DOCK4: variants seen among roughly 807,000 people sequenced by gnomAD.
The protein encoded by DOCK4 is dedicator of cytokinesis 4, also known as dedicator of cytokinesis protein 4.
Under a neutral mutation model 268.1 loss-of-function variants are expected in DOCK4, and 97 were observed. The observed-to-expected ratio is 0.36, with a 90% CI of 0.31 to 0.43. The LOEUF is 0.43. DOCK4 is among the 20% of genes least tolerant of loss of function. The pLI is 1.00. For synonymous variants in DOCK4, 954 were observed against 887.2 expected (o/e 1.08, Z -1.34); for missense variants, 2,145 against 2,455.7 (o/e 0.87, Z 2.67).
At chr7:112,019,658 T>C (rs900157287) in intron 1 of DOCK4, among the ~76,000 whole-genome samples, 3 of 152,122 alleles carry the variant, frequency 2.0e-5, no homozygotes, top group African/African-American at 7.2e-5. Context: ...GAAACATAAA[T>C]AAATAAATTT....
chr7:111,836,546 T>G (rs1464462977), intron 25 of DOCK4, among the ~76,000 whole-genome samples: 1 of 151,846 alleles, frequency 6.6e-6, no homozygotes, highest in Non-Finnish European at 1.5e-5. Flanking sequence ...AAGTAATATA[T>G]CAATAGAAAC....
At chr7:111,756,379 G>A (rs907121468) in intron 41 of DOCK4, among the ~76,000 whole-genome samples, 2 of 151,982 alleles carry the variant, frequency 1.3e-5, no homozygotes, top group Non-Finnish European at 1.5e-5. Flanking sequence ...AAGACACTAG[G>A]TCTTAAAGCA....
At chr7:112,048,201 C>A (rs1209505236) in intron 1 of DOCK4, among the ~76,000 whole-genome samples, 1 of 151,746 alleles carries the variant, frequency 6.6e-6, no homozygotes, top group African/African-American at 2.4e-5. Context: ...ATGAAGAAAA[C>A]TATACATCAT....
chr7:112,163,319 C>T (rs925064428), intron 1 of DOCK4, among the ~76,000 whole-genome samples: 6 of 152,092 alleles, frequency 3.9e-5, no homozygotes, highest in Non-Finnish European at 7.4e-5. Flanking sequence ...CAGCATGCTC[C>T]ACTCTCATCA....
chr7:112,085,494 G>C (rs1203888678), intron 1 of DOCK4, among the ~76,000 whole-genome samples: 1 of 152,054 alleles, frequency 6.6e-6, no homozygotes, highest in African/African-American at 2.4e-5. Flanking sequence ...ACAAATTTAT[G>C]ATTCCAAAAA....
intron 39 of DOCK4, among the ~76,000 whole-genome samples, chr7:111,761,184 C>T (rs1797383248): frequency 6.6e-6 from 1 of 151,976 alleles, no homozygotes; most frequent in Non-Finnish European, 1.5e-5. Flanking sequence ...TTCAGCCTCC[C>T]AAGTAGCTAG....
chr7:112,041,561 G>A (rs1804361370), intron 1 of DOCK4, among the ~76,000 whole-genome samples: 2 of 151,914 alleles, frequency 1.3e-5, no homozygotes, highest in South Asian at 4.2e-4. Context: ...AATAAACCTG[G>A]GCATAAAATC....
intron 26 of DOCK4, 135 bp downstream of exon 26, chr7:111,834,453 G>A: frequency 7.5e-6 from 5 of 665,140 alleles, no homozygotes; most frequent in Non-Finnish European, 1.2e-5. Context: ...ATCTGTGGAT[G>A]AGGCTGAGAA....
At chr7:111,917,705 T>TAAA (rs555037371) in intron 12 of DOCK4, among the ~76,000 whole-genome samples, 2 of 106,686 alleles carry the variant, frequency 1.9e-5, no homozygotes, top group Non-Finnish European at 2.1e-5. Context: ...GACCCCATAA[T>TAAA]AAAAAAAAAA....
At position 111,755,441 on chromosome 7, in the gene DOCK4, T is replaced by G. The variant is rs536907403; in HGVS notation, c.4416+74A>C. ...CAGAGAATCTGGGTCGAAGGAGAAG[T>G]AATGAATATACGGCACAACTCCAAG... On this transcript the variant is annotated intron_variant, in intron 42 of 52. Coordinates refer to ENST00000428084, the MANE Select transcript of DOCK4 (RefSeq NM_001363540.2). 2.0e-5 allele frequency: 29 copies of G among 1,415,538 alleles called. No homozygotes were observed. The South Asian group carries it at 2.6e-4, about 13-fold the overall frequency. The allele number at this position is 1,415,538 out of a possible 1,614,324, so 87.7% of individuals were successfully genotyped here. A position where few individuals can be genotyped will look rare whatever the true frequency, so the allele number is the denominator to read the frequency against.
chr7:111,924,912 A>G (rs1793472501), intron 12 of DOCK4, among the ~76,000 whole-genome samples: 1 of 152,214 alleles, frequency 6.6e-6, no homozygotes, highest in Admixed American at 6.5e-5. Flanking sequence ...CAGTACTTGC[A>G]TACTTTGTAT....
intron 1 of DOCK4, among the ~76,000 whole-genome samples, chr7:112,056,202 A>C (rs1805801801): frequency 6.6e-6 from 1 of 152,128 alleles, no homozygotes. Context: ...TTACATAATT[A>C]GCCCCTCTGT....
At chr7:111,827,264 A>G (rs976275343) in intron 26 of DOCK4, among the ~76,000 whole-genome samples, 4 of 152,352 alleles carry the variant, frequency 2.6e-5, no homozygotes, top group Non-Finnish European at 5.9e-5. Context: ...ATGATCGTCC[A>G]TCTTTTAGAG....
At chr7:112,012,729 A>C (rs1801449963) in intron 1 of DOCK4, among the ~76,000 whole-genome samples, 1 of 152,228 alleles carries the variant, frequency 6.6e-6, no homozygotes, top group Admixed American at 6.5e-5. Context: ...ATTATTTAAG[A>C]TTAAGAACTA....
At chr7:111,819,962 G>A (rs1425154343) in intron 27 of DOCK4, 1 of 152,150 alleles carries the variant, frequency 6.6e-6, no homozygotes, top group Non-Finnish European at 1.5e-5. Flanking sequence ...TTAGCCAAGC[G>A]GAAACTTTTT....
chr7:111,917,436 G>C (rs1406047435), intron 12 of DOCK4, among the ~76,000 whole-genome samples: 1 of 151,954 alleles, frequency 6.6e-6, no homozygotes, highest in African/African-American at 2.4e-5. Flanking sequence ...TTTGCTGGCC[G>C]GGTGCGGTGG....
intron 1 of DOCK4, among the ~76,000 whole-genome samples, chr7:112,111,206 C>A (rs1041194980): frequency 6.6e-6 from 1 of 152,112 alleles, no homozygotes; most frequent in African/African-American, 2.4e-5. Context: ...ACATGACACC[C>A]AGGAGGGGTT....
intron 10 of DOCK4, among the ~76,000 whole-genome samples, chr7:111,941,458 A>G (rs898586724): frequency 6.6e-6 from 1 of 152,170 alleles, no homozygotes; most frequent in African/African-American, 2.4e-5. Flanking sequence ...ATTTATGTCT[A>G]TTTTGAATAA....
Position 111,741,081 on chromosome 7 carries a change from G to A in DOCK4, c.5040+13C>T. 2 of 1,613,050 alleles carry A rather than the reference G, an allele frequency of 1.2e-6. No individual in the cohort carries two copies. Among genetic ancestry groups the A allele is most frequent in the African/African-American group, 1.3e-5 (1 of 75,002 alleles). On this transcript the variant is annotated intron_variant, in intron 47 of 52. Transcript: ENST00000428084. ...AGGAATAAACACAACCAGACAAAAA[G>A]CTAATTAAGTACCTGCATGTTAAAG... is the stretch of plus-strand genomic sequence containing the variant.
Sources: allele counts gnomAD v4.1 joint callset (sites outside exome capture counted in the v4.1 genomes callset), GRCh38; gene constraint gnomAD v4.1.1; transcripts MANE v1.5; gene names NCBI Gene and HGNC (gene_info 2026-07-23, HGNC 2026-07-21).